The following RIMS2 variants were observed in gnomAD, a reference collection of about 807,000 sequenced individuals.
RIMS2 encodes the protein regulating synaptic membrane exocytosis protein 2.
In RIMS2, 59 loss-of-function variants were observed where a neutral mutation model predicts 174.4. That is an observed-to-expected ratio of 0.34 (90% CI 0.27 to 0.42). RIMS2 has a LOEUF of 0.42. RIMS2 is among the 10% of genes least tolerant of loss of function. RIMS2 has a pLI of 1.00. For synonymous variants in RIMS2, 606 were observed against 572.5 expected, an observed-to-expected ratio of 1.06 and a Z score of -0.84; for missense variants, 1,620 against 1,666.3, an observed-to-expected ratio of 0.97 and a Z score of 0.48.
intron 1 of RIMS2, among the ~76,000 whole-genome samples, chr8:103,547,392 A>G (rs1258328596): frequency 5.9e-5 from 9 of 152,214 alleles, no homozygotes; most frequent in Non-Finnish European, 1.2e-4. Flanking sequence ...AAATTAAACA[A>G]TCTTCTCCTG....
At chr8:104,213,193 T>C (rs935028394) in intron 19 of RIMS2, among the ~76,000 whole-genome samples, 3 of 152,042 alleles carry the variant, frequency 2.0e-5, no homozygotes, top group Non-Finnish European at 2.9e-5. Flanking sequence ...ATACCTATAA[T>C]CTCAGCTACT....
At chr8:104,013,749 T>G in intron 18 of RIMS2, 128 bp downstream of exon 20, 1 of 679,558 alleles carries the variant, frequency 1.5e-6, no homozygotes, top group Non-Finnish European at 2.5e-6. Flanking sequence ...TACTAACCTT[T>G]TCAATGTAAA....
chr8:103,533,784 G>A (rs1838535261), intron 1 of RIMS2, among the ~76,000 whole-genome samples: 1 of 152,054 alleles, frequency 6.6e-6, no homozygotes. Flanking sequence ...GGTGTTTAGA[G>A]CTTATGGTTA....
intron 3 of RIMS2, among the ~76,000 whole-genome samples, chr8:103,771,552 C>G (rs1406582756): frequency 1.3e-5 from 2 of 152,056 alleles, no homozygotes; most frequent in Admixed American, 1.3e-4. Context: ...AACTAGAAGT[C>G]AGAAGACCTA....
At chr8:104,150,067 A>G (rs1171370753) in intron 19 of RIMS2, among the ~76,000 whole-genome samples, 1 of 152,140 alleles carries the variant, frequency 6.6e-6, no homozygotes, top group Non-Finnish European at 1.5e-5. Context: ...CTAATTAACT[A>G]TGTTGTGCTA....
chr8:103,892,138 G>C (rs1333887994), intron 4 of RIMS2, among the ~76,000 whole-genome samples: 2 of 151,642 alleles, frequency 1.3e-5, no homozygotes, highest in Non-Finnish European at 2.9e-5. Flanking sequence ...AAACCAATTG[G>C]ACTCAAAAAT....
intron 19 of RIMS2, among the ~76,000 whole-genome samples, chr8:104,179,193 C>A (rs1470587675): frequency 3.3e-5 from 5 of 151,920 alleles, no homozygotes; most frequent in Middle Eastern, 3.2e-3. Flanking sequence ...ATAAAAACTT[C>A]AAATAGATGT....
At chr8:104,029,855 C>A (rs1597394905) in intron 19 of RIMS2, among the ~76,000 whole-genome samples, 2 of 152,100 alleles carry the variant, frequency 1.3e-5, no homozygotes, top group African/African-American at 4.8e-5. Flanking sequence ...TAAAATCTTT[C>A]TTAATTATTC....
At chr8:103,623,785 G>A (rs1041682467) in intron 1 of RIMS2, among the ~76,000 whole-genome samples, 2 of 145,712 alleles carry the variant, frequency 1.4e-5, no homozygotes, top group South Asian at 2.1e-4. Flanking sequence ...CACCGCGCCC[G>A]GTCTCTTCAT....
intron 19 of RIMS2, among the ~76,000 whole-genome samples, chr8:104,061,659 C>A (rs142299671): frequency 6.7e-6 from 1 of 149,558 alleles, no homozygotes; most frequent in Non-Finnish European, 1.5e-5. Flanking sequence ...TAAAATTGTT[C>A]TAAGCTATGC....
intron 2 of RIMS2, among the ~76,000 whole-genome samples, chr8:103,748,979 T>C (rs1410807678): frequency 6.6e-6 from 1 of 152,002 alleles, no homozygotes; most frequent in Non-Finnish European, 1.5e-5. Flanking sequence ...TTTGTATTTT[T>C]AGTAGAGACA....
intron 19 of RIMS2, among the ~76,000 whole-genome samples, chr8:104,179,223 A>C (rs1341030583): frequency 6.6e-6 from 1 of 152,084 alleles, no homozygotes; most frequent in African/African-American, 2.4e-5. Context: ...ATTAAGAATC[A>C]GGATTTTCTT....
intron 1 of RIMS2, among the ~76,000 whole-genome samples, chr8:103,681,696 G>A (rs2096882514): frequency 6.6e-6 from 1 of 152,058 alleles, no homozygotes; most frequent in Non-Finnish European, 1.5e-5. Flanking sequence ...GATGTGTATA[G>A]TATATCCAAG....
chr8:103,628,069 A>T (rs1427844845), intron 1 of RIMS2, among the ~76,000 whole-genome samples: 1 of 152,204 alleles, frequency 6.6e-6, no homozygotes, highest in Non-Finnish European at 1.5e-5. Flanking sequence ...TTAATTTTGT[A>T]TAATCATTAT....
intron 2 of RIMS2, among the ~76,000 whole-genome samples, chr8:103,708,204 C>T (rs1156267353): frequency 6.6e-6 from 1 of 152,188 alleles, no homozygotes; most frequent in Non-Finnish European, 1.5e-5. Flanking sequence ...ATTCACGGCT[C>T]AAGGCCACTT....
intron 2 of RIMS2, among the ~76,000 whole-genome samples, chr8:103,758,337 A>G (rs1295715858): frequency 6.6e-6 from 1 of 152,220 alleles, no homozygotes; most frequent in Non-Finnish European, 1.5e-5. Context: ...GCAAATTAAT[A>G]TATTAGTGAT....
At chr8:103,636,739 T>C (rs2096083348) in intron 1 of RIMS2, among the ~76,000 whole-genome samples, 1 of 151,668 alleles carries the variant, frequency 6.6e-6, no homozygotes, top group Non-Finnish European at 1.5e-5. Context: ...CTGCTTCTAG[T>C]TGGCAATCTT....
At chr8:104,176,239 C>T (rs2098892990) in intron 19 of RIMS2, among the ~76,000 whole-genome samples, 1 of 152,130 alleles carries the variant, frequency 6.6e-6, no homozygotes. Flanking sequence ...GCCTGTATCT[C>T]CAGCTGTGGC....
rs538739527 is a variant in RIMS2, at chr8:103,575,699, T to TATAC, written c.176+74638_176+74639insTACA. Among the ~76,000 whole-genome samples, 557 of 149,444 alleles carry TATAC rather than the reference T, an allele frequency of 3.7e-3. 2 individuals carry two copies. The highest frequency in any genetic ancestry group is 0.013 in the African/African-American group (527 of 40,976). ...ACACACACACACATATATATATATA[T>TATAC]ACACATACAGCACTGAGATTATCAC... On this transcript the variant is annotated intron_variant, in intron 1 of 23. Coordinates refer to ENST00000504942, the Ensembl canonical transcript of RIMS2.
Sources: allele counts gnomAD v4.1 joint callset (sites outside exome capture counted in the v4.1 genomes callset), GRCh38; gene constraint gnomAD v4.1.1; transcripts MANE v1.5; gene names NCBI Gene and HGNC (gene_info 2026-07-23, HGNC 2026-07-21).